UGGT2: variants seen among roughly 807,000 people sequenced by gnomAD.
UGGT2 encodes UDP-glucose glycoprotein glucosyltransferase 2.
Under a neutral mutation model 192.1 loss-of-function variants are expected in UGGT2, and 180 were observed. The ratio of observed to expected loss-of-function variants is 0.94; its 90% confidence interval spans 0.83 to 1.06. The LOEUF is 1.06. UGGT2 is among the 50% of genes least tolerant of loss of function. The pLI is 0.00. For missense variants in UGGT2, 1,849 were observed against 1,795.7 expected (o/e 1.03, Z -0.54); for synonymous variants, 580 against 591.0 (o/e 0.98, Z 0.27).
chr13:95,996,001 A>G (rs1369672404), intron 7 of UGGT2, 62 bp downstream of exon 7: 5 of 1,428,322 alleles, frequency 3.5e-6, no homozygotes, highest in Non-Finnish European at 4.9e-6. Context: ...ACAGTATATC[A>G]AATTAATTCC....
intron 38 of UGGT2, among the ~76,000 whole-genome samples, chr13:95,824,743 T>C (rs1417867193): frequency 1.3e-5 from 2 of 152,168 alleles, no homozygotes; most frequent in African/African-American, 4.8e-5. Flanking sequence ...TTGAGTAGTG[T>C]AATAATCTTC....
chr13:95,826,101 C>A (rs1886018605), intron 38 of UGGT2, among the ~76,000 whole-genome samples: 1 of 151,958 alleles, frequency 6.6e-6, no homozygotes, highest in Non-Finnish European at 1.5e-5. Flanking sequence ...AGTTTATAAT[C>A]TATAAGTTGA....
intron 20 of UGGT2, among the ~76,000 whole-genome samples, chr13:95,915,709 C>A (rs1266520974): frequency 1.3e-5 from 2 of 152,194 alleles, no homozygotes; most frequent in Non-Finnish European, 2.9e-5. Context: ...TTCCAGCCTG[C>A]CAGCTTTGGA....
At chr13:95,810,478 C>T (rs1312721017) in intron 38 of UGGT2, among the ~76,000 whole-genome samples, 1 of 152,154 alleles carries the variant, frequency 6.6e-6, no homozygotes. Flanking sequence ...TAATAATAGA[C>T]TTGTGGATAT....
chr13:96,019,710 T>C (rs1269411360), intron 4 of UGGT2, among the ~76,000 whole-genome samples: 3 of 152,190 alleles, frequency 2.0e-5, no homozygotes, highest in African/African-American at 7.2e-5. Context: ...GTCTTCCAAG[T>C]GGCAGACCAG....
At chr13:96,027,990 C>A (rs935985633) in intron 2 of UGGT2, among the ~76,000 whole-genome samples, 1 of 152,222 alleles carries the variant, frequency 6.6e-6, no homozygotes, top group Non-Finnish European at 1.5e-5. Context: ...TACAGGTACT[C>A]TTCCTTAGTC....
chr13:96,026,834 G>A (rs531396754), intron 2 of UGGT2, among the ~76,000 whole-genome samples: 228 of 151,932 alleles, frequency 1.5e-3, no homozygotes, highest in Non-Finnish European at 2.5e-3. Flanking sequence ...ACCGCGCCCG[G>A]CTAATTTTTT....
chr13:95,914,206 C>A (rs1327025986), intron 20 of UGGT2, among the ~76,000 whole-genome samples: 3 of 151,468 alleles, frequency 2.0e-5, no homozygotes, highest in African/African-American at 7.3e-5. Context: ...TGTATCAAAC[C>A]TGCATGTTGT....
At chr13:95,878,118 C>T (rs1013139582) in intron 27 of UGGT2, among the ~76,000 whole-genome samples, 5 of 151,684 alleles carry the variant, frequency 3.3e-5, no homozygotes, top group African/African-American at 1.2e-4. Flanking sequence ...GCAGGAAAGA[C>T]GTGAACATGA....
intron 38 of UGGT2, among the ~76,000 whole-genome samples, chr13:95,830,308 C>G (rs909090417): frequency 5.9e-5 from 9 of 152,166 alleles, no homozygotes; most frequent in African/African-American, 1.7e-4. Context: ...AGCGCTTCTG[C>G]ACAGCAAAAG....
Position 95,859,622 on chromosome 13 carries a change from A to G in UGGT2, c.3794T>C (p.Leu1265Ser). The G allele has an allele frequency of 1.2e-6, 2 of 1,610,572 alleles. No individual in the cohort carries two copies. Among genetic ancestry groups the G allele is most frequent in the Non-Finnish European group, 1.7e-6 (2 of 1,178,148 alleles). ...TGTCGGTGAGAGATAATTTTTTAGC[A>G]ACCAGAATTTCACTGGTGTTTTGGT... is the stretch of plus-strand genomic sequence containing the variant. The part of the protein sequence containing the change: ...RNTKTPVKFW[L>S]LKNYLSPTFK... The change falls in exon 33 of 39, where the codon TTG becomes TCG. Residue 1265 changes from leucine to serine, a missense_variant. Transcript: ENST00000376747.
intron 28 of UGGT2, 73 bp from the exon 29 acceptor site, chr13:95,877,437 A>G (rs1891814676): frequency 2.5e-6 from 3 of 1,214,558 alleles, no homozygotes; most frequent in Non-Finnish European, 3.5e-6. Flanking sequence ...GAATACACGA[A>G]TGATCTAAGA....
At chr13:95,988,389 G>C (rs2051355749) in intron 8 of UGGT2, among the ~76,000 whole-genome samples, 1 of 152,210 alleles carries the variant, frequency 6.6e-6, no homozygotes, top group East Asian at 1.9e-4. Context: ...TATTGAGAAT[G>C]AATTTGAAAC....
At chr13:95,900,331 C>T (rs1227201508) in intron 22 of UGGT2, among the ~76,000 whole-genome samples, 1 of 152,082 alleles carries the variant, frequency 6.6e-6, no homozygotes. Context: ...TTTCTTCCTA[C>T]AGCCTTGTAA....
chr13:96,046,537 A>T lies in UGGT2; in HGVS notation c.158+6618T>A, dbSNP rs7983843. ...ACAGCTCCAGTCTACAGCTCCTAGCATGAGCGATGCAGAAGAAAGGTGATT... is the reference window on the plus strand; with the variant it reads ...ACAGCTCCAGTCTACAGCTCCTAGCTTGAGCGATGCAGAAGAAAGGTGATT... On this transcript the variant is annotated intron_variant, in intron 1 of 38. Transcript: ENST00000376747. 6.6e-5 allele frequency among the ~76,000 whole-genome samples: 10 copies of T among 152,010 alleles called. 1 individual carries two copies. The highest frequency in any genetic ancestry group is 6.5e-5 in the Admixed American group (1 of 15,278).
At chr13:95,859,722 G>A (rs761099494) in intron 32 of UGGT2, 47 bp from the exon 33 acceptor site, 1 of 1,338,954 alleles carries the variant, frequency 7.5e-7, no homozygotes, top group South Asian at 1.5e-5. Context: ...AGTAACAGGA[G>A]CTCATATATA....
At chr13:95,989,168 T>C (rs1453221028) in intron 8 of UGGT2, among the ~76,000 whole-genome samples, 1 of 152,020 alleles carries the variant, frequency 6.6e-6, no homozygotes, top group Admixed American at 6.6e-5. Context: ...AACTATTGAA[T>C]GGTAGAATTT....
chr13:95,956,499 G>C (rs1331641185), intron 12 of UGGT2, among the ~76,000 whole-genome samples: 1 of 152,166 alleles, frequency 6.6e-6, no homozygotes, highest in African/African-American at 2.4e-5. Context: ...AATGGGCAAA[G>C]GACTTGAATA....
intron 38 of UGGT2, among the ~76,000 whole-genome samples, chr13:95,829,280 C>A (rs542920805): frequency 6.6e-6 from 1 of 152,154 alleles, no homozygotes; most frequent in Non-Finnish European, 1.5e-5. Context: ...TGCCCTCTCT[C>A]GCCACTCCTA....
Sources: allele counts gnomAD v4.1 joint callset (sites outside exome capture counted in the v4.1 genomes callset), GRCh38; gene constraint gnomAD v4.1.1; transcripts MANE v1.5; gene names NCBI Gene and HGNC (gene_info 2026-07-23, HGNC 2026-07-21).